TRMT1L: variants seen among roughly 807,000 people sequenced by gnomAD.
TRMT1L encodes tRNA methyltransferase 1L, also known as tRNA (guanine(27)-N(2))-dimethyltransferase.
In TRMT1L, 28 loss-of-function variants were observed where a neutral mutation model predicts 81.6. The ratio of observed to expected loss-of-function variants is 0.34; its 90% CI spans 0.25 to 0.47. The LOEUF is 0.47. Among genes scored for constraint, TRMT1L ranks in the 20% least tolerant of loss-of-function variants. TRMT1L has a pLI of 1.00. For synonymous variants in TRMT1L, 301 were observed against 303.2 expected, an observed-to-expected ratio of 0.99 and a Z score of 0.07; for missense variants, 739 against 877.1, an observed-to-expected ratio of 0.84 and a Z score of 1.99.
At chr1:185,129,621 C>A (rs1242269493) in intron 10 of TRMT1L, among the ~76,000 whole-genome samples, 2 of 152,166 alleles carry the variant, frequency 1.3e-5, no homozygotes, top group African/African-American at 2.4e-5. Context: ...TCAATCAGTC[C>A]CAGATACATT....
intron 10 of TRMT1L, 176 bp downstream of exon 10, chr1:185,137,430 T>C: frequency 1.4e-6 from 1 of 730,528 alleles, no homozygotes; most frequent in African/African-American, 1.7e-5. Context: ...TAAATAACTT[T>C]AATAAACTCA....
At chr1:185,133,038 G>A (rs936889684) in intron 10 of TRMT1L, among the ~76,000 whole-genome samples, 1 of 152,156 alleles carries the variant, frequency 6.6e-6, no homozygotes, top group Non-Finnish European at 1.5e-5. Flanking sequence ...CCAGGGGAGT[G>A]AAATTTATAG....
intron 9 of TRMT1L, among the ~76,000 whole-genome samples, chr1:185,138,427 T>A (rs1235121048): frequency 6.6e-6 from 1 of 152,154 alleles, no homozygotes; most frequent in Admixed American, 6.5e-5. Flanking sequence ...TTCAGGTAAT[T>A]AGAAACAACC....
chr1:185,143,380 C>T lies in TRMT1L; in HGVS notation c.836G>A (p.Cys279Tyr). 6.2e-7 allele frequency: 1 copy of T among 1,608,620 alleles called. No homozygotes were observed. The highest frequency in any genetic ancestry group is 8.5e-7 in the Non-Finnish European group (1 of 1,177,078). ...ALAEERKPLE[C>Y]LDAFGATGIM... ...ACCAGTGGCTCCAAAAGCATCTAGA[C>T]ATTCCAAAGGTTTTCGTTCCTCAGC... is the stretch of plus-strand genomic sequence containing the variant. Residue 279 changes from cysteine (C) to tyrosine (Y), a missense_variant, in exon 7 of 15, where the codon TGT becomes TAT. Physicochemically the swap from Cys to Tyr is radical, Grantham distance 194. Around this residue, in one of 4 missense-constraint regions of TRMT1L, gnomAD observed 331 missense variants for 462.2 expected, o/e 0.72. Transcript: ENST00000367506.
chr1:185,144,822 G>A (rs1653146793), intron 5 of TRMT1L, among the ~76,000 whole-genome samples: 2 of 151,804 alleles, frequency 1.3e-5, no homozygotes. Context: ...CCGTGAGGAG[G>A]CATGTTGCAT....
In TRMT1L at chr1:185,156,644, C is replaced by T. The variant is rs1271240803; in HGVS notation, c.69G>A (p.Gln23=). ...EKEEVEVAQV[Q]VPTPARDSAG... is the part of the protein sequence containing the mutation. ...CCGAGTCCCGGGCCGGGGTCGGGACCTGGACCTGGGCCACCTCCACCTCCT... is the reference window on the plus strand; with the variant it reads ...CCGAGTCCCGGGCCGGGGTCGGGACTTGGACCTGGGCCACCTCCACCTCCT... The change falls in exon 1 of 15, where the codon CAG becomes CAA. Residue 23 remains glutamine (Q), a synonymous_variant. Coordinates refer to ENST00000367506, the MANE Select transcript of TRMT1L (RefSeq NM_030934.5). The T allele has an allele frequency of 6.2e-7, 1 of 1,609,472 alleles. No individual in the cohort carries two copies. Among genetic ancestry groups the T allele is most frequent in the African/African-American group, 1.3e-5 (1 of 74,744 alleles).
chr1:185,128,980 TC>T (rs1168044917), intron 10 of TRMT1L, among the ~76,000 whole-genome samples: 1 of 152,104 alleles, frequency 6.6e-6, no homozygotes, highest in Non-Finnish European at 1.5e-5. Context: ...TTAATTTAAG[TC>T]CTTACAACTC....
In TRMT1L at chr1:185,127,708, G is replaced by A. The variant is rs180745174; in HGVS notation, c.1592+961C>T. ...TGGGAGGCAGAGGTTGTGGTGAGCC[G>A]AGATAGTGCCATTGCACTCCAGGTT... On this transcript the variant is annotated intron_variant, in intron 11 of 14. Transcript: ENST00000367506. 4.2e-3 allele frequency among the ~76,000 whole-genome samples: 599 copies of A among 142,900 alleles called. 2 individuals carry two copies. The highest frequency in any genetic ancestry group is 5.9e-3 in the South Asian group (27 of 4,574). 93.7% of individuals were successfully genotyped at this position (142,900 alleles called of 152,430 possible). A position where few individuals can be genotyped will look rare whatever the true frequency, so the allele number is the denominator to read the frequency against.
rs1652448049 is a variant in TRMT1L, at chr1:185,119,657, T to G, written c.*362A>C. ...AACAGGAAAACATAAACATCATGAA[T>G]CAGTTTAGGCAGAGATGTGATTAAG... On this transcript the variant is annotated 3_prime_UTR_variant, in exon 15 of 15. Coordinates refer to ENST00000367506, the MANE Select transcript of TRMT1L (RefSeq NM_030934.5). 5.9e-6 allele frequency: 1 copy of G among 169,916 alleles called. No individual in the cohort carries two copies. The highest frequency in any genetic ancestry group is 2.4e-5 in the African/African-American group (1 of 42,004). The allele number at this position is 169,916 out of a possible 1,614,324, so 10.5% of individuals were successfully genotyped here.
In TRMT1L at chr1:185,125,070, G is replaced by C; in HGVS notation, c.1633C>G (p.Leu545Val). The change falls in exon 12 of 15, where the codon CTA (leucine) becomes GTA (valine). Residue 545 changes from leucine to valine, a missense_variant. Physicochemically the swap from Leu to Val is conservative, Grantham distance 32. This residue lies in a region of TRMT1L where 196 missense variants were observed against 232.6 expected (regional missense o/e 0.84). Coordinates refer to ENST00000367506, the MANE Select transcript of TRMT1L (RefSeq NM_030934.5). ...AAACCATGGTGAAGAGATTCAAATA[G>C]CATTCTTTTGAGGAATCCAGTATTG... Reference protein sequence around the residue: ...LFNTGFLKRMLFESLHHGLDD... With the variant: ...LFNTGFLKRMVFESLHHGLDD... 1 of 1,611,826 alleles carries C rather than the reference G, an allele frequency of 6.2e-7. No homozygotes were observed. The highest frequency in any genetic ancestry group is 8.5e-7 in the Non-Finnish European group (1 of 1,178,736).
intron 10 of TRMT1L, chr1:185,137,398 A>C (rs1401109881): frequency 1.5e-6 from 1 of 667,426 alleles, no homozygotes; most frequent in Admixed American, 2.3e-5. Context: ...AGAGCTAGAA[A>C]GCATATATTG....
chr1:185,124,330 G>A (rs1652568878), intron 12 of TRMT1L, among the ~76,000 whole-genome samples: 1 of 150,316 alleles, frequency 6.7e-6, no homozygotes, highest in Non-Finnish European at 1.5e-5. Flanking sequence ...AAATCACAAA[G>A]GACCTTTAGT....
chr1:185,147,536 T>C (rs936545584), intron 3 of TRMT1L, among the ~76,000 whole-genome samples: 2 of 152,184 alleles, frequency 1.3e-5, no homozygotes, highest in African/African-American at 4.8e-5. Flanking sequence ...TTTAGCATCT[T>C]TGGGATTCAG....
rs765883713 is a variant in TRMT1L, at chr1:185,151,816, T to C, written c.346+9A>G. On this transcript the variant is annotated intron_variant, in intron 2 of 14. Transcript: ENST00000367506. ...CTAAGAAAAAAAAAAAACCCAAACA[T>C]GGAAATACCTGCATCAAGATTATCT... The C allele has an allele frequency of 3.3e-6, 5 of 1,522,092 alleles. No homozygotes were observed. Among genetic ancestry groups the C allele is most frequent in the African/African-American group, 2.9e-5 (2 of 69,814 alleles). The allele number at this position is 1,522,092 out of a possible 1,614,324, so 94.3% of individuals were successfully genotyped here. A position where few individuals can be genotyped will look rare whatever the true frequency, so the allele number is the denominator to read the frequency against.
rs756585849 is a variant in TRMT1L at position 185,120,498 on chromosome 1, T to G, written c.1834A>C (p.Ser612Arg). 2 of 1,582,768 alleles carry G rather than the reference T, an allele frequency of 1.3e-6. No individual in the cohort carries two copies. The highest frequency in any genetic ancestry group is 2.4e-5 in the South Asian group (2 of 83,984). ...DNYIAQGKRK[S>R]NEMITNLGKK... ...CCTAAATTTGTGATCATTTCATTAC[T>G]TTTTCTCTTTCCTGCAACATACACA... The change falls in exon 14 of 15, where the codon AGT becomes CGT. Residue 612 changes from serine (S) to arginine (R), a missense_variant. Ser to Arg is a moderately radical substitution (Grantham distance 110). Transcript: ENST00000367506.
At chr1:185,122,599 G>A (rs763241403) in intron 13 of TRMT1L, among the ~76,000 whole-genome samples, 12 of 151,716 alleles carry the variant, frequency 7.9e-5, no homozygotes, top group Non-Finnish European at 1.3e-4. Context: ...TTCTAAAAAG[G>A]ATTTAAGATA....
At position 185,120,151 on chromosome 1, in the gene TRMT1L, C is replaced by T. The variant is rs1652463743; in HGVS notation, c.2070G>A (p.Lys690=). The T allele has an allele frequency of 1.2e-6, 2 of 1,613,938 alleles. No individual in the cohort carries two copies. The highest frequency in any genetic ancestry group is 1.3e-5 in the African/African-American group (1 of 75,020). Residue 690 remains lysine (K), a synonymous_variant, in exon 15 of 15, where the codon AAG becomes AAA. Coordinates refer to ENST00000367506, the MANE Select transcript of TRMT1L (RefSeq NM_030934.5). ...PLMQFKSILL[K]YSTPTYTGGQ... ...CTCCAGTGTAGGTGGGGGTGCTGTA[C>T]TTTAAAAGGATAGATTTAAACTGCA...
At chr1:185,131,302 G>A (rs1652764716) in intron 10 of TRMT1L, among the ~76,000 whole-genome samples, 1 of 152,030 alleles carries the variant, frequency 6.6e-6, no homozygotes, top group Admixed American at 6.6e-5. Context: ...TATAAGCTCT[G>A]CCCCAAGTGC....
chr1:185,119,069 A>C lies in TRMT1L; in HGVS notation c.*950T>G, dbSNP rs1300715976. ...ATATTTTTTTTTTCAACTAATTTTT[A>C]TAGTTACATCAGCCTGGGCTAATTA... is the stretch of plus-strand genomic sequence containing the variant. On this transcript the variant is annotated 3_prime_UTR_variant, in exon 15 of 15. Transcript: ENST00000367506. 1 of 152,124 alleles carries C rather than the reference A, an allele frequency of 6.6e-6. No individual in the cohort carries two copies. Among genetic ancestry groups the C allele is most frequent in the African/African-American group, 2.4e-5 (1 of 41,442 alleles). The allele number at this position is 152,124 out of a possible 1,614,324, so 9.4% of individuals were successfully genotyped here. A position where few individuals can be genotyped will look rare whatever the true frequency, so the allele number is the denominator to read the frequency against.
Sources: allele counts gnomAD v4.1 joint callset (sites outside exome capture counted in the v4.1 genomes callset), GRCh38; gene constraint gnomAD v4.1.1; regional missense constraint gnomAD v4.1.1; transcripts MANE v1.5; gene names NCBI Gene and HGNC (gene_info 2026-07-23, HGNC 2026-07-21).